Variants in MYH6 observed in about 807,000 individuals in gnomAD.
MYH6 encodes myosin-6.
MYH6 carries 126 observed loss-of-function variants against 223.2 expected under a neutral mutation model. The observed-to-expected ratio is 0.56, with a 90% CI of 0.49 to 0.65. The LOEUF is 0.65. MYH6 is among the 30% of genes least tolerant of loss of function. MYH6 has a pLI of 0.00. For missense variants in MYH6, 2,040 were observed against 2,536.4 expected (o/e 0.80, Z 4.20); for synonymous variants, 978 against 1,010.2 (o/e 0.97, Z 0.61).
rs770891859 is a variant in MYH6 at position 23,383,220 on chromosome 14, C to G, written c.5661+5G>C. On this transcript the variant is annotated splice_donor_5th_base_variant and intron_variant, in intron 37 of 38. Transcript: ENST00000405093. ...ATGAGAAAGGGAAGAAAGCTCTGAA[C>G]TCACCGCCTCCTCGGCCTGGCGCTT... 6.2e-7 allele frequency: 1 copy of G among 1,611,944 alleles called. No individual in the cohort carries two copies.
At chr14:23,402,924 G>C in intron 10 of MYH6, 124 bp from the exon 11 acceptor site, 1 of 743,864 alleles carries the variant, frequency 1.3e-6, no homozygotes, top group Non-Finnish European at 2.3e-6. Flanking sequence ...TGGAGGAAGG[G>C]AGGACAGGGA....
rs771678577 is a variant in MYH6, at chr14:23,400,454, G to A, written c.1411-28C>T. 24 of 1,613,858 alleles carry A rather than the reference G, an allele frequency of 1.5e-5. No individual in the cohort carries two copies. In the African/African-American group the frequency reaches 1.9e-4, roughly 13 times the overall value. On this transcript the variant is annotated intron_variant, in intron 13 of 38. Coordinates refer to ENST00000405093, the MANE Select transcript of MYH6 (RefSeq NM_002471.4). ...GCAGGGGGCATGAGGGGTGGGAGCA[G>A]TCAGAAAGTGGGTGTGAGTGGCCAT...
At chr14:23,401,254 G>A (rs891280096) in intron 12 of MYH6, among the ~76,000 whole-genome samples, 2 of 152,226 alleles carry the variant, frequency 1.3e-5, no homozygotes, top group African/African-American at 2.4e-5. Flanking sequence ...TGATCCACCT[G>A]CCTTGGCCTC....
chr14:23,384,411 A>G (rs1890952226), intron 36 of MYH6, 31 bp downstream of exon 36: 2 of 1,606,190 alleles, frequency 1.2e-6, no homozygotes, highest in Non-Finnish European at 1.7e-6. Context: ...AAACTTCCAC[A>G]TCTACTCCTG....
In MYH6 at chr14:23,405,304, C is replaced by T. The variant is rs776853139; in HGVS notation, c.421G>A (p.Ala141Thr). 61 of 1,614,044 alleles carry T rather than the reference C, an allele frequency of 3.8e-5. No homozygotes were observed. The highest frequency in any genetic ancestry group is 1.6e-4 in the Middle Eastern group (1 of 6,076). The change falls in exon 5 of 39, where the codon GCC (alanine) becomes ACC (threonine). Residue 141 changes from alanine to threonine, a missense_variant. By Grantham distance (58) the Ala-to-Thr change is moderately conservative. Around this residue, in one of 4 missense-constraint regions of MYH6, gnomAD observed 184 missense variants for 232.4 expected, o/e 0.79. Coordinates refer to ENST00000405093, the MANE Select transcript of MYH6 (RefSeq NM_002471.4). This position sits in a 1 kb window ranked among gnomAD's most constrained non-coding sequence, Gnocchi z 4.7. ...LPVYNAEVVAAYRGKKRSEAP... is the reference protein window; with the variant it reads ...LPVYNAEVVATYRGKKRSEAP... The stretch of plus-strand genomic sequence containing the variant: ...TCACTCCTCTTCTTGCCCCGGTAGG[C>T]GGCCACCACCTCGGCATTGTACACC...
chr14:23,390,505 C>T (rs112405990), intron 25 of MYH6, 59 bp from the exon 26 acceptor site: 112,430 of 1,587,090 alleles, frequency 0.071, 5,560 homozygotes, highest in African/African-American at 0.25. Flanking sequence ...GGAATCCCCC[C>T]GGCTCTGAAA....
At position 23,402,696 on chromosome 14, in the gene MYH6, C is replaced by A. The variant is rs776627067; in HGVS notation, c.1002+1G>T. ...ACGGCCGCAGCAGCCCCCTCACTCA[C>A]ATCGGTGGCCATGAGCTCCTCGGAG... On this transcript the variant is annotated splice_donor_variant, in intron 11 of 38. Transcript: ENST00000405093. LOFTEE classifies it high-confidence loss of function. 1.4e-5 allele frequency: 22 copies of A among 1,613,500 alleles called. No homozygotes were observed. Among genetic ancestry groups the A allele is most frequent in the Non-Finnish European group, 1.8e-5 (21 of 1,179,940 alleles).
In MYH6 at chr14:23,386,003, C is replaced by G; in HGVS notation, c.5088G>C (p.Gln1696His). ...CCGCCAGCTTCCGGGACCGCTCTGTCTGCTCCACCACGGCACGCAGCTCCT... is the reference window on the plus strand; with the variant it reads ...CCGCCAGCTTCCGGGACCGCTCTGTGTGCTCCACCACGGCACGCAGCTCCT... ...ELEELRAVVE[Q>H]TERSRKLAEQ... The change falls in exon 34 of 39, where the codon CAG (glutamine) becomes CAC (histidine). Residue 1696 changes from glutamine (Q) to histidine (H), a missense_variant. By Grantham distance (24) the Gln-to-His change is conservative (BLOSUM62 0). Transcript: ENST00000405093. 4.3e-6 allele frequency: 7 copies of G among 1,614,240 alleles called. No homozygotes were observed. The highest frequency in any genetic ancestry group is 5.9e-6 in the Non-Finnish European group (7 of 1,180,050).
rs1566511391 is a variant in MYH6, at chr14:23,396,557, C to T, written c.2292+137G>A. On this transcript the variant is annotated intron_variant, in intron 19 of 38. Coordinates refer to ENST00000405093, the MANE Select transcript of MYH6 (RefSeq NM_002471.4). ...AGAGTAAAAATTTGACAAACAAGAC[C>T]GGAATGAAGCCTGGGTTTCAGCCCT... 28 of 1,575,730 alleles carry T rather than the reference C, an allele frequency of 1.8e-5. No individual in the cohort carries two copies. The South Asian group carries it at 2.2e-4, about 12-fold the overall frequency.
intron 26 of MYH6, 67 bp from the exon 27 acceptor site, chr14:23,389,786 G>A (rs1891174962): frequency 1.2e-6 from 2 of 1,612,592 alleles, no homozygotes; most frequent in Non-Finnish European, 1.7e-6. Context: ...AGGAAGAGAG[G>A]GTCAGAGATG....
Position 23,382,557 on chromosome 14 carries a change from C to A in MYH6, c.5667G>T (p.Glu1889Asp). 1 of 1,614,202 alleles carries A rather than the reference C, an allele frequency of 6.2e-7. No individual in the cohort carries two copies. The highest frequency in any genetic ancestry group is 1.1e-5 in the South Asian group (1 of 91,090). Residue 1889 changes from glutamate (E) to aspartate (D), a missense_variant, in exon 38 of 39, where the codon GAG (glutamate) becomes GAT (aspartate). Glu to Asp is a conservative substitution (Grantham distance 45). Coordinates refer to ENST00000405093, the MANE Select transcript of MYH6 (RefSeq NM_002471.4). ...AYKRQAEEAE[E>D]QANTNLSKFR... is the part of the protein sequence containing the mutation. ...ACTTGGACAGGTTGGTGTTGGCTTG[C>A]TCCTCCTGTGGTGGGACAGTGGGGA... is the stretch of plus-strand genomic sequence containing the variant.
At chr14:23,404,413 G>T (rs1891711239) in intron 7 of MYH6, 25 bp from the exon 8 acceptor site, 2 of 1,612,212 alleles carry the variant, frequency 1.2e-6, no homozygotes, top group African/African-American at 2.7e-5. Flanking sequence ...GAACTGCATG[G>T]GTTCATCCTC....
chr14:23,383,339 G>GGGGGGGGCCCCCCCCCC lies in MYH6; in HGVS notation c.5566-20_5566-19insGGGGGGGGGGCCCCCCC. The stretch of plus-strand genomic sequence containing the variant: ...CCTCTGTCTGGGGGTGGGAGGGTGG[G>GGGGGGGGCCCCCCCCCC]AGAAGCTGGTTTGGAGGGGGAGCAA... On this transcript the variant is annotated intron_variant, in intron 36 of 38. Coordinates refer to ENST00000405093, the MANE Select transcript of MYH6 (RefSeq NM_002471.4). 6 of 108,148 alleles carry GGGGGGGGCCCCCCCCCC rather than the reference G, an allele frequency of 5.5e-5. No individual in the cohort carries two copies. The highest frequency in any genetic ancestry group is 9.2e-5 in the Non-Finnish European group (5 of 54,350). The allele number at this position is 108,148 out of a possible 1,614,324, so 6.7% of individuals were successfully genotyped here.
Position 23,407,616 on chromosome 14 carries a change from G to A in MYH6, c.-46-8C>T, listed in dbSNP as rs187963893. The stretch of plus-strand genomic sequence containing the variant: ...CGGAGAATCCTGAAGAATCTGGACC[G>A]TGGGTGGAGCAAGGAACAACAGAGG... On this transcript the variant is annotated splice_region_variant and splice_polypyrimidine_tract_variant and intron_variant, in intron 1 of 38. Coordinates refer to ENST00000405093, the MANE Select transcript of MYH6 (RefSeq NM_002471.4). This position sits in a 1 kb window ranked among gnomAD's most constrained non-coding sequence, Gnocchi z 5.6. 3.5e-5 allele frequency: 40 copies of A among 1,146,384 alleles called. No individual in the cohort carries two copies. The highest frequency in any genetic ancestry group is 1.4e-4 in the African/African-American group (9 of 62,358). The allele number at this position is 1,146,384 out of a possible 1,614,324, so 71.0% of individuals were successfully genotyped here. A position where few individuals can be genotyped will look rare whatever the true frequency, so the allele number is the denominator to read the frequency against.
chr14:23,400,604 C>G (rs1156288160), intron 13 of MYH6, 105 bp downstream of exon 13: 1 of 1,596,460 alleles, frequency 6.3e-7, no homozygotes, highest in Non-Finnish European at 8.5e-7. Context: ...CACACAGTCC[C>G]CACTGCCTTC....
intron 34 of MYH6, among the ~76,000 whole-genome samples, chr14:23,385,364 G>C (rs570671142): frequency 6.6e-6 from 1 of 151,322 alleles, no homozygotes; most frequent in South Asian, 2.1e-4. Context: ...TTTTTACCAG[G>C]ACAATATTCC....
In MYH6 at chr14:23,393,374, A is replaced by T. The variant is rs371209775; in HGVS notation, c.3073T>A (p.Ser1025Thr). Reference sequence around the variant, plus strand: ...ACCTGCTGCTCCAGCTTGACCTTAGACTTGGACAGGCTGTTGACCTTGTCT... The same window carrying T: ...ACCTGCTGCTCCAGCTTGACCTTAGTCTTGGACAGGCTGTTGACCTTGTCT... ...EEDKVNSLSK[S>T]KVKLEQQVDD... Residue 1025 changes from serine (S) to threonine (T), a missense_variant, in exon 23 of 39, where the codon TCT (serine) becomes ACT (threonine). Physicochemically the swap from Ser to Thr is moderately conservative, Grantham distance 58. This residue lies in a region of MYH6 where 1,203 missense variants were observed against 1,400.2 expected (regional missense o/e 0.86). Transcript: ENST00000405093. The T allele has an allele frequency of 1.9e-5, 31 of 1,613,932 alleles. No homozygotes were observed. The highest frequency in any genetic ancestry group is 8.3e-5 in the Admixed American group (5 of 59,980).
rs1357512264 is a variant in MYH6, at chr14:23,407,309, A to T, written c.-13-73T>A. 1.2e-5 allele frequency: 18 copies of T among 1,549,790 alleles called. No individual in the cohort carries two copies. The highest frequency in any genetic ancestry group is 1.2e-5 in the Non-Finnish European group (14 of 1,129,426). On this transcript the variant is annotated intron_variant, in intron 2 of 38. Coordinates refer to ENST00000405093, the MANE Select transcript of MYH6 (RefSeq NM_002471.4). This position sits in a 1 kb window ranked among gnomAD's most constrained non-coding sequence, Gnocchi z 5.6. ...TCCAGCGAGTGGCTTTGTCCTCTGC[A>T]GCCCCCCTCCCTACCCCCGCTCCTC... is the stretch of plus-strand genomic sequence containing the variant.
intron 20 of MYH6, 128 bp downstream of exon 20, chr14:23,396,156 G>T (rs1282728651): frequency 3.6e-6 from 4 of 1,126,470 alleles, no homozygotes; most frequent in East Asian, 2.4e-5. Flanking sequence ...AATGAGATTC[G>T]AAGTGGTAAA....
Sources: gnomAD v4.1 joint callset for allele counts (sites outside exome capture counted in the v4.1 genomes callset) on GRCh38, gnomAD v4.1.1 for gene constraint, gnomAD v4.1.1 regional missense constraint, Gnocchi (gnomAD v3.1) non-coding constraint, MANE v1.5 for transcripts, NCBI Gene and HGNC (gene_info 2026-07-23, HGNC 2026-07-21) for gene names.